The following TENM3 variants were observed in gnomAD, a reference collection of about 807,000 sequenced individuals.
TENM3 encodes the protein teneurin-3.
TENM3 carries 63 observed loss-of-function variants against 255.1 expected under a neutral mutation model. The observed-to-expected ratio is 0.25, with a 90% confidence interval of 0.20 to 0.30. The LOEUF (loss-of-function observed/expected upper bound fraction) is 0.30. Ranked by LOEUF, TENM3 falls within the 10% of genes least tolerant of loss-of-function variation. The pLI, the probability that TENM3 is intolerant of heterozygous loss-of-function variation, is 1.00. For synonymous variants in TENM3, 1,306 were observed against 1,322.3 expected (o/e 0.99, Z 0.27); for missense variants, 2,929 against 3,461.1 (o/e 0.85, Z 3.86).
chr4:181,862,941 A>G, the TENM3 span, among the ~76,000 whole-genome samples: 1 of 152,176 alleles, frequency 6.6e-6, no homozygotes, highest in African/African-American at 2.4e-5. Context: ...AAATACAGGT[A>G]CAAACAAGAG....
At chr4:182,018,662 A>G in the TENM3 span, among the ~76,000 whole-genome samples, 2,236 of 152,302 alleles carry the variant, frequency 0.015, 38 homozygotes, top group Non-Finnish European at 0.02. Context: ...TTCCTTTCAG[A>G]TTCCTTACAT....
intron 1 of TENM3, among the ~76,000 whole-genome samples, chr4:182,159,651 C>T (rs1318472947): frequency 1.3e-5 from 2 of 152,154 alleles, no homozygotes; most frequent in African/African-American, 4.8e-5. Flanking sequence ...GCATGGATCC[C>T]TGGCTTGCCA....
At chr4:181,613,089 C>CT in the TENM3 span, among the ~76,000 whole-genome samples, 11 of 152,170 alleles carry the variant, frequency 7.2e-5, no homozygotes, top group African/African-American at 2.4e-4. Flanking sequence ...TTGAAAAACT[C>CT]TAAGAGAATT....
At chr4:182,334,940 G>A (rs1479355844) in intron 2 of TENM3, among the ~76,000 whole-genome samples, 1 of 152,058 alleles carries the variant, frequency 6.6e-6, no homozygotes, top group Non-Finnish European at 1.5e-5. Flanking sequence ...AAAACACGAA[G>A]TCCAGAGATA....
At chr4:182,015,885 T>C in the TENM3 span, among the ~76,000 whole-genome samples, 1 of 152,196 alleles carries the variant, frequency 6.6e-6, no homozygotes, top group African/African-American at 2.4e-5. Context: ...TCATCGTACT[T>C]TGTCTCTAGT....
At chr4:182,621,717 A>ATTATATATAATATG (rs1561016495) in intron 4 of TENM3, among the ~76,000 whole-genome samples, 1 of 101,366 alleles carries the variant, frequency 9.9e-6, no homozygotes, top group Non-Finnish European at 1.8e-5. Context: ...TATATAATAT[A>ATTATATATAATATG]TATTATATAT....
At chr4:182,372,918 T>G (rs1476543216) in intron 3 of TENM3, among the ~76,000 whole-genome samples, 7 of 152,046 alleles carry the variant, frequency 4.6e-5, no homozygotes, top group African/African-American at 1.7e-4. Flanking sequence ...TTTATTTTTT[T>G]GGGTAGAGAT....
chr4:182,792,336 C>T lies in TENM3; in HGVS notation c.5664C>T (p.Arg1888=), dbSNP rs1254965665. The change falls in exon 26 of 28, where the codon CGC becomes CGT. Residue 1888 remains arginine (R), a synonymous_variant. Transcript: ENST00000511685. The surrounding 1 kb of genome is among the most constrained non-coding windows in gnomAD (Gnocchi z 6.3). The part of the protein sequence containing the change: ...QYIFEYDMWD[R]LSAITMPSVA... ...TCTTCGAATACGATATGTGGGACCG[C>T]CTGTCTGCCATCACCATGCCCAGTG... 2.5e-6 allele frequency: 4 copies of T among 1,613,892 alleles called. No individual in the cohort carries two copies. The highest frequency in any genetic ancestry group is 1.7e-5 in the Admixed American group (1 of 60,006).
chr4:181,820,472 A>G, the TENM3 span, among the ~76,000 whole-genome samples: 1 of 143,426 alleles, frequency 7.0e-6, no homozygotes, highest in Non-Finnish European at 1.5e-5. Flanking sequence ...ACGTTTAACT[A>G]GAAATTTTCT....
the TENM3 span, among the ~76,000 whole-genome samples, chr4:181,464,162 A>G: frequency 6.6e-6 from 1 of 152,212 alleles, no homozygotes; most frequent in African/African-American, 2.4e-5. Flanking sequence ...TCTTAGATAT[A>G]TGTCCAGAAG....
intron 1 of TENM3, among the ~76,000 whole-genome samples, chr4:182,154,109 T>G (rs1220713824): frequency 6.6e-6 from 1 of 152,196 alleles, no homozygotes; most frequent in Admixed American, 6.5e-5. Flanking sequence ...GGAGTAGATA[T>G]AAATTATTAA....
At chr4:181,704,200 A>G in the TENM3 span, among the ~76,000 whole-genome samples, 2 of 152,018 alleles carry the variant, frequency 1.3e-5, no homozygotes, top group South Asian at 2.1e-4. Context: ...TCACTGTTTT[A>G]TGTTACCCTC....
rs184596212 is a variant in TENM3 at position 182,622,753 on chromosome 4, G to A, written c.750-5898G>A. Among the ~76,000 whole-genome samples the A allele has an allele frequency of 4.7e-3, 721 of 151,986 alleles. 22 individuals are homozygous for A. The highest frequency in any genetic ancestry group is 0.044 in the Admixed American group (668 of 15,266). On this transcript the variant is annotated intron_variant, in intron 4 of 27. Transcript: ENST00000511685. Reference sequence around the variant, plus strand: ...AACTTTTTGAGGCTCACTTTTCCTCGTCTACATAATAGTCACCATTTTATT... The same window carrying A: ...AACTTTTTGAGGCTCACTTTTCCTCATCTACATAATAGTCACCATTTTATT...
At chr4:182,281,596 C>T (rs1440358883) in intron 1 of TENM3, among the ~76,000 whole-genome samples, 1 of 152,066 alleles carries the variant, frequency 6.6e-6, no homozygotes, top group Non-Finnish European at 1.5e-5. Context: ...CTCAAACAAT[C>T]CTCCCACCTC....
chr4:182,056,442 TCAA>T, the TENM3 span, among the ~76,000 whole-genome samples: 41 of 152,184 alleles, frequency 2.7e-4, 2 homozygotes, highest in African/African-American at 9.9e-4. Flanking sequence ...AGATCATTTA[TCAA>T]CAACAGAGTT....
the TENM3 span, among the ~76,000 whole-genome samples, chr4:181,986,520 G>C: frequency 2.6e-5 from 4 of 152,006 alleles, no homozygotes; most frequent in African/African-American, 9.7e-5. Flanking sequence ...ATCCAAGTCT[G>C]GTGGGGGTTT....
intron 3 of TENM3, among the ~76,000 whole-genome samples, chr4:182,520,495 GA>G (rs1738461720): frequency 6.6e-6 from 1 of 152,082 alleles, no homozygotes; most frequent in Admixed American, 6.5e-5. Flanking sequence ...AGTAAGTTTT[GA>G]GCACTCATTT....
the TENM3 span, among the ~76,000 whole-genome samples, chr4:181,918,307 A>G: frequency 6.6e-6 from 1 of 152,220 alleles, no homozygotes; most frequent in Non-Finnish European, 1.5e-5. Context: ...CTTTTAGAAA[A>G]CAGTTGGAAC....
chr4:181,830,837 G>T, the TENM3 span, among the ~76,000 whole-genome samples: 2 of 150,758 alleles, frequency 1.3e-5, no homozygotes, highest in African/African-American at 4.9e-5. Context: ...CTGAGTGTAG[G>T]TCGCTCCTGT....
Sources: allele counts gnomAD v4.1 joint callset (sites outside exome capture counted in the v4.1 genomes callset), GRCh38; gene constraint gnomAD v4.1.1; non-coding constraint Gnocchi (gnomAD v3.1); transcripts MANE v1.5; gene names NCBI Gene and HGNC (gene_info 2026-07-23, HGNC 2026-07-21).